USH2A: variants seen among roughly 807,000 people sequenced by gnomAD.
USH2A encodes Usher syndrome 2A (autosomal recessive, mild).
Under a neutral mutation model 538.9 loss-of-function variants are expected in USH2A, and 443 were observed. The ratio of observed to expected loss-of-function variants is 0.82; its 90% CI spans 0.76 to 0.89. USH2A has a LOEUF of 0.89. Ranked by LOEUF, USH2A falls within the 40% of genes least tolerant of loss-of-function variation. USH2A has a pLI of 0.00. For synonymous variants in USH2A, 2,413 were observed against 2,273.5 expected, an observed-to-expected ratio of 1.06 and a Z score of -1.75; for missense variants, 6,633 against 6,324.8, an observed-to-expected ratio of 1.05 and a Z score of -1.65.
chr1:215,670,995 G>A lies in USH2A; in HGVS notation c.14110C>T (p.Pro4704Ser), dbSNP rs1657796227. Residue 4704 changes from proline (P) to serine (S), a missense_variant, in exon 64 of 72, where the codon CCT becomes TCT. Coordinates refer to ENST00000307340, the MANE Select transcript of USH2A (RefSeq NM_206933.4). ...ACCTGATACTCATACTCTGTGAAAG[G>A]CAATAGTTCGGAATCTATAAAAGAT... ...STSFIDSELL[P>S]FTEYEYQVWA... is the part of the protein sequence containing the mutation. 2 of 1,614,108 alleles carry A rather than the reference G, an allele frequency of 1.2e-6. No individual in the cohort carries two copies. The highest frequency in any genetic ancestry group is 1.7e-6 in the Non-Finnish European group (2 of 1,180,000).
At position 215,671,126 on chromosome 1, in the gene USH2A, G is replaced by C. The variant is rs761367363; in HGVS notation, c.13979C>G (p.Pro4660Arg). 1.7e-5 allele frequency: 27 copies of C among 1,613,858 alleles called. No individual in the cohort carries two copies. The South Asian group carries it at 2.7e-4, about 16-fold the overall frequency. Residue 4660 changes from proline to arginine, a missense_variant, in exon 64 of 72, where the codon CCG becomes CGG. Pro to Arg is a moderately radical substitution (Grantham distance 103). Coordinates refer to ENST00000307340, the MANE Select transcript of USH2A (RefSeq NM_206933.4). Reference protein sequence around the residue: ...QPTVSLLWTGPLQPNGKVLYY... With the variant: ...QPTVSLLWTGRLQPNGKVLYY... ...CAAAACTTTTCCATTTGGCTGCAGCGGTCCTGTCCACAAAAGAGAAACAGT... is the reference window on the plus strand; with the variant it reads ...CAAAACTTTTCCATTTGGCTGCAGCCGTCCTGTCCACAAAAGAGAAACAGT...
chr1:216,272,373 A>T (rs2036590158), intron 11 of USH2A, among the ~76,000 whole-genome samples: 1 of 152,022 alleles, frequency 6.6e-6, no homozygotes, highest in Non-Finnish European at 1.5e-5. Flanking sequence ...TGATGTTGGT[A>T]CTTTGTGTTT....
intron 7 of USH2A, 79 bp downstream of exon 7, chr1:216,324,089 C>T (rs2037675891): frequency 2.7e-6 from 4 of 1,492,836 alleles, no homozygotes; most frequent in South Asian, 2.5e-5. Flanking sequence ...AAGTCTCCAC[C>T]AGCCTAGAGA....
intron 61 of USH2A, among the ~76,000 whole-genome samples, chr1:215,685,476 G>A (rs946496786): frequency 2.0e-5 from 3 of 151,682 alleles, no homozygotes; most frequent in Admixed American, 1.3e-4. Flanking sequence ...TCATGCCTCA[G>A]TCTCCCGAGT....
intron 3 of USH2A, among the ~76,000 whole-genome samples, chr1:216,372,821 A>C (rs879488409): frequency 6.6e-5 from 10 of 152,168 alleles, no homozygotes; most frequent in Non-Finnish European, 1.3e-4. Flanking sequence ...TTTGGTGCAC[A>C]CTTCATCACA....
intron 21 of USH2A, among the ~76,000 whole-genome samples, chr1:216,097,745 G>T (rs529499918): frequency 6.6e-6 from 1 of 152,276 alleles, no homozygotes; most frequent in Non-Finnish European, 1.5e-5. Flanking sequence ...GATCTTTACT[G>T]ACCCTTCAGA....
intron 10 of USH2A, among the ~76,000 whole-genome samples, chr1:216,291,284 C>A (rs1332801908): frequency 9.2e-5 from 14 of 152,166 alleles, no homozygotes. Context: ...TCTCCCTCCT[C>A]TAGGCCACTG....
chr1:215,746,881 A>G (rs929634130), intron 58 of USH2A, among the ~76,000 whole-genome samples: 2 of 152,188 alleles, frequency 1.3e-5, no homozygotes, highest in African/African-American at 4.8e-5. Flanking sequence ...AAAATTTGGG[A>G]AACACAGGAT....
chr1:216,276,755 T>A (rs2036677928), intron 11 of USH2A, among the ~76,000 whole-genome samples: 1 of 152,074 alleles, frequency 6.6e-6, no homozygotes. Context: ...AGAGAAAGCT[T>A]GTGCAGGTAA....
intron 38 of USH2A, among the ~76,000 whole-genome samples, chr1:215,908,522 A>C (rs1195133383): frequency 6.6e-6 from 1 of 151,976 alleles, no homozygotes; most frequent in Non-Finnish European, 1.5e-5. Context: ...AAATGAAGAA[A>C]ACAATGATCC....
intron 50 of USH2A, among the ~76,000 whole-genome samples, chr1:215,792,078 A>T (rs1332506615): frequency 1.3e-5 from 2 of 152,138 alleles, no homozygotes; most frequent in East Asian, 3.9e-4. Flanking sequence ...AAAATTTGAA[A>T]ACTGGCCCTT....
chr1:216,202,119 T>C (rs770403956), intron 16 of USH2A, among the ~76,000 whole-genome samples: 2 of 152,212 alleles, frequency 1.3e-5, no homozygotes, highest in Non-Finnish European at 2.9e-5. Context: ...TGGAAAATAA[T>C]TTAGCATGCC....
intron 44 of USH2A, among the ~76,000 whole-genome samples, chr1:215,851,298 G>A (rs969934986): frequency 5.9e-5 from 9 of 152,062 alleles, no homozygotes; most frequent in South Asian, 2.1e-4. Context: ...GACAGACCAT[G>A]TAGGAAGATT....
chr1:216,377,991 C>T (rs2038867314), intron 3 of USH2A, among the ~76,000 whole-genome samples: 1 of 151,826 alleles, frequency 6.6e-6, no homozygotes, highest in East Asian at 2.0e-4. Flanking sequence ...TTTGGTGGGG[C>T]TGTGTGCTTC....
intron 32 of USH2A, among the ~76,000 whole-genome samples, chr1:216,017,774 G>A (rs778814096): frequency 8.5e-5 from 13 of 152,158 alleles, no homozygotes; most frequent in Non-Finnish European, 1.3e-4. Context: ...GCAGTGCTAA[G>A]TCTATTGTCA....
intron 21 of USH2A, among the ~76,000 whole-genome samples, chr1:216,140,806 G>T (rs1306054476): frequency 2.0e-5 from 3 of 152,188 alleles, no homozygotes; most frequent in Non-Finnish European, 4.4e-5. Context: ...GAAAGAGCAG[G>T]CCTTCAAGAA....
At chr1:215,990,261 A>C (rs115670652) in intron 35 of USH2A, among the ~76,000 whole-genome samples, 2,033 of 152,158 alleles carry the variant, frequency 0.013, 47 homozygotes, top group African/African-American at 0.046. Flanking sequence ...CAGCCTCAGA[A>C]TCTACACAGC....
rs574528235 is a variant in USH2A, at chr1:216,010,313, A to G, written c.6326-9751T>C. ...AGAAATCTGGCCACCAGGCCAGGGA[A>G]TTCCTGCAGCCCAGGATTCCTCCTA... On this transcript the variant is annotated intron_variant, in intron 32 of 71. Transcript: ENST00000307340. Among the ~76,000 whole-genome samples, 231 of 152,262 alleles carry G rather than the reference A, an allele frequency of 1.5e-3. 2 individuals carry two copies. The highest frequency in any genetic ancestry group is 5.5e-3 in the African/African-American group (228 of 41,532).
At chr1:215,984,862 G>A (rs626192) in intron 35 of USH2A, among the ~76,000 whole-genome samples, 128,065 of 152,208 alleles carry the variant, frequency 0.84, 53,884 homozygotes, top group East Asian at 0.94. Flanking sequence ...GATGCTGATT[G>A]AATGTGGCAG....
Sources: gnomAD v4.1 joint callset for allele counts (sites outside exome capture counted in the v4.1 genomes callset) on GRCh38, gnomAD v4.1.1 for gene constraint, MANE v1.5 for transcripts, NCBI Gene and HGNC (gene_info 2026-07-23, HGNC 2026-07-21) for gene names.